Variants in ARHGEF26 observed in about 807,000 individuals in gnomAD.
The protein encoded by ARHGEF26 is Rho guanine nucleotide exchange factor 26.
ARHGEF26 carries 59 observed loss-of-function variants against 89.4 expected under a neutral mutation model. The ratio of observed to expected loss-of-function variants is 0.66; its 90% CI spans 0.54 to 0.82. ARHGEF26 has a LOEUF of 0.82. ARHGEF26 is among the 40% of genes least tolerant of loss of function. ARHGEF26 has a pLI of 0.00. For synonymous variants in ARHGEF26, 500 were observed against 428.4 expected (o/e 1.17, Z -2.06); for missense variants, 1,234 against 1,085.6 (o/e 1.14, Z -1.92).
intron 8 of ARHGEF26, among the ~76,000 whole-genome samples, chr3:154,193,842 G>GTTTTTTTTTTTT (rs149514592): frequency 8.0e-5 from 12 of 149,920 alleles, no homozygotes; most frequent in African/African-American, 3.0e-4. Flanking sequence ...GTTTTTTTGG[G>GTTTTTTTTTTTT]TTTTTTTTTG....
chr3:154,129,055 G>T (rs143056915), intron 3 of ARHGEF26, among the ~76,000 whole-genome samples: 33 of 152,284 alleles, frequency 2.2e-4, no homozygotes, highest in African/African-American at 7.0e-4. Flanking sequence ...ACAGTTGAAT[G>T]AATAAATGCA....
Position 154,240,576 on chromosome 3 carries a change from C to T in ARHGEF26, c.2297C>T (p.Thr766Met), listed in dbSNP as rs768573483. Reference protein sequence around the residue: ...EKVEMLLGAETQSERARWITA... With the variant: ...EKVEMLLGAEMQSERARWITA... ...GTGGAGATGCTACTAGGAGCTGAGA[C>T]GCAGTAAGTATATGTGGGGAAAAGA... Residue 766 changes from threonine (T) to methionine (M), a missense_variant, in exon 12 of 15, where the codon ACG (threonine) becomes ATG (methionine). By Grantham distance (81) the Thr-to-Met change is moderately conservative (BLOSUM62 -1). Transcript: ENST00000465093. 1.1e-5 allele frequency: 17 copies of T among 1,605,628 alleles called. No individual in the cohort carries two copies. Among genetic ancestry groups the T allele is most frequent in the South Asian group, 3.4e-5 (3 of 89,340 alleles).
intron 14 of ARHGEF26, 39 bp from the exon 15 acceptor site, chr3:154,255,292 A>G: frequency 6.3e-7 from 1 of 1,597,224 alleles, no homozygotes; most frequent in Non-Finnish European, 8.5e-7. Flanking sequence ...CACACTCCAA[A>G]TACTTGTTGT....
Position 154,187,728 on chromosome 3 carries a change from A to G in ARHGEF26, c.1531A>G (p.Ile511Val). ...LEARHQNNIF[I>V]DDISDIVEKH... ...AGCAAGACATCAGAATAATATCTTC[A>G]TAGATGACATAAGTGACATTGTGGA... The change falls in exon 7 of 15, where the codon ATA becomes GTA. Residue 511 changes from isoleucine (I) to valine (V), a missense_variant. Physicochemically the swap from Ile to Val is conservative, Grantham distance 29. Transcript: ENST00000465093. The G allele has an allele frequency of 1.9e-6, 3 of 1,611,124 alleles. No individual in the cohort carries two copies. Among genetic ancestry groups the G allele is most frequent in the Non-Finnish European group, 1.7e-6 (2 of 1,178,460 alleles).
chr3:154,165,505 T>C (rs1305509140), intron 6 of ARHGEF26, among the ~76,000 whole-genome samples: 1 of 152,188 alleles, frequency 6.6e-6, no homozygotes, highest in African/African-American at 2.4e-5. Context: ...CCGGACTCTT[T>C]GAAGACCCCA....
intron 6 of ARHGEF26, among the ~76,000 whole-genome samples, chr3:154,170,491 G>A (rs777328209): frequency 1.3e-5 from 2 of 152,208 alleles, no homozygotes; most frequent in Non-Finnish European, 2.9e-5. Flanking sequence ...TTTGAAAGTT[G>A]CTGACAGTGG....
chr3:154,190,062 C>T (rs1465508243), intron 7 of ARHGEF26, among the ~76,000 whole-genome samples: 1 of 152,146 alleles, frequency 6.6e-6, no homozygotes, highest in Non-Finnish European at 1.5e-5. Context: ...CACTATCCTG[C>T]TTCCTTCTCC....
rs1268023882 is a variant in ARHGEF26 at position 154,256,818 on chromosome 3, A to G, written c.*1345A>G. 3.9e-5 allele frequency: 60 copies of G among 1,519,776 alleles called. No homozygotes were observed. Among genetic ancestry groups the G allele is most frequent in the South Asian group, 1.5e-4 (12 of 81,084 alleles). 94.1% of individuals were successfully genotyped at this position (1,519,776 alleles called of 1,614,324 possible). ...CTAAAAGCCTTAACTTGCTGTATTCAGAGTCCCTCTTAACTGTGAGTTTCT... is the reference window on the plus strand; with the variant it reads ...CTAAAAGCCTTAACTTGCTGTATTCGGAGTCCCTCTTAACTGTGAGTTTCT... On this transcript the variant is annotated 3_prime_UTR_variant, in exon 15 of 15. Transcript: ENST00000465093.
chr3:154,239,269 A>AGG (rs1717318381), intron 11 of ARHGEF26, among the ~76,000 whole-genome samples: 1 of 98,378 alleles, frequency 1.0e-5, no homozygotes, highest in Non-Finnish European at 2.0e-5. Flanking sequence ...AGGGAGAGAG[A>AGG]GAGAGAGAGA....
Position 154,122,983 on chromosome 3 carries a change from A to G in ARHGEF26, c.991A>G (p.Thr331Ala), listed in dbSNP as rs750490100. Residue 331 changes from threonine (T) to alanine (A), a missense_variant, in exon 2 of 15, where the codon ACC (threonine) becomes GCC (alanine). Transcript: ENST00000465093. ...CAGTGGCTTTGATTTTGACAGTCCT[A>G]CCAGCTCGAAGAAGAAGAACAGAAT... The part of the protein sequence containing the change: ...VVSGFDFDSP[T>A]SSKKKNRMSQ... The G allele has an allele frequency of 4.3e-6, 7 of 1,613,840 alleles. No individual in the cohort carries two copies. Among genetic ancestry groups the G allele is most frequent in the Non-Finnish European group, 1.7e-6 (2 of 1,179,830 alleles).
intron 12 of ARHGEF26, among the ~76,000 whole-genome samples, chr3:154,245,191 C>T (rs1250645495): frequency 6.6e-6 from 1 of 152,068 alleles, no homozygotes; most frequent in Non-Finnish European, 1.5e-5. Context: ...CCATGCTTGG[C>T]TAATTTTTTT....
intron 6 of ARHGEF26, among the ~76,000 whole-genome samples, chr3:154,159,008 G>A (rs773306542): frequency 1.3e-5 from 2 of 152,026 alleles, no homozygotes; most frequent in Non-Finnish European, 2.9e-5. Flanking sequence ...ATTGTCTTTT[G>A]TAGAAGACTG....
At chr3:154,174,703 T>C (rs1267528741) in intron 6 of ARHGEF26, among the ~76,000 whole-genome samples, 2 of 152,100 alleles carry the variant, frequency 1.3e-5, no homozygotes, top group Non-Finnish European at 2.9e-5. Flanking sequence ...AGATTTTTTA[T>C]ATTAGAGCAC....
At chr3:154,160,569 A>G (rs894876405) in intron 6 of ARHGEF26, among the ~76,000 whole-genome samples, 1 of 152,162 alleles carries the variant, frequency 6.6e-6, no homozygotes, top group Non-Finnish European at 1.5e-5. Flanking sequence ...AAAACCTGAG[A>G]TGGTTGTCCA....
At chr3:154,202,376 G>A (rs1330014169) in intron 9 of ARHGEF26, among the ~76,000 whole-genome samples, 2 of 152,068 alleles carry the variant, frequency 1.3e-5, no homozygotes, top group Non-Finnish European at 2.9e-5. Flanking sequence ...CTCTGTTTTG[G>A]TACCAGTACC....
At position 154,254,707 on chromosome 3, in the gene ARHGEF26, C is replaced by G. The variant is rs1305288252; in HGVS notation, c.2369-13C>G. 6.8e-6 allele frequency: 11 copies of G among 1,611,266 alleles called. No homozygotes were observed. The highest frequency in any genetic ancestry group is 8.5e-6 in the Non-Finnish European group (10 of 1,177,734). On this transcript the variant is annotated splice_polypyrimidine_tract_variant and intron_variant, in intron 13 of 14. Coordinates refer to ENST00000465093, the MANE Select transcript of ARHGEF26 (RefSeq NM_015595.4). ...TGCTACTGGAAACTTAGTATGTCCTCTTTTGGCCTCAGCACTGACCCAGGT... is the reference window on the plus strand; with the variant it reads ...TGCTACTGGAAACTTAGTATGTCCTGTTTTGGCCTCAGCACTGACCCAGGT...
chr3:154,136,166 T>C (rs1454734952), intron 4 of ARHGEF26, among the ~76,000 whole-genome samples: 2 of 152,168 alleles, frequency 1.3e-5, no homozygotes, highest in Non-Finnish European at 2.9e-5. Flanking sequence ...TTTCTTCAGT[T>C]TGCTCAAATA....
At chr3:154,202,367 T>TATA (rs1289989632) in intron 9 of ARHGEF26, among the ~76,000 whole-genome samples, 1 of 152,222 alleles carries the variant, frequency 6.6e-6, no homozygotes, top group East Asian at 1.9e-4. Context: ...GGTCTATATC[T>TATA]CTGTTTTGGT....
chr3:154,226,666 C>T (rs1716508143), intron 11 of ARHGEF26, among the ~76,000 whole-genome samples: 1 of 139,218 alleles, frequency 7.2e-6, no homozygotes, highest in African/African-American at 2.9e-5. Flanking sequence ...GTTCTACACA[C>T]ACACACACAC....
Sources: allele counts gnomAD v4.1 joint callset (sites outside exome capture counted in the v4.1 genomes callset), GRCh38; gene constraint gnomAD v4.1.1; transcripts MANE v1.5; gene names NCBI Gene and HGNC (gene_info 2026-07-23, HGNC 2026-07-21).